DNAH8: variants seen among roughly 807,000 people sequenced by gnomAD.
The protein encoded by DNAH8 is dynein axonemal heavy chain 8.
DNAH8 carries 382 observed loss-of-function variants against 562.1 expected under a neutral mutation model. The ratio of observed to expected loss-of-function variants is 0.68; its 90% confidence interval spans 0.63 to 0.74. The LOEUF is 0.74. Among genes scored for constraint, DNAH8 ranks in the 30% least tolerant of loss-of-function variants. The pLI is 0.00. For synonymous variants in DNAH8, 1,881 were observed against 1,919.4 expected, an observed-to-expected ratio of 0.98 and a Z score of 0.52; for missense variants, 5,203 against 5,620.4, an observed-to-expected ratio of 0.93 and a Z score of 2.37.
Position 38,956,345 on chromosome 6 carries a change from T to G in DNAH8, c.12451+4825T>G, listed in dbSNP as rs1344931145. ...TACATGCCCTTCTGAGCCAATGAGA[T>G]GAGCTCTTCAGCCATCATCCTCCAG... is the stretch of plus-strand genomic sequence containing the variant. On this transcript the variant is annotated intron_variant, in intron 82 of 92. Coordinates refer to ENST00000327475, the MANE Select transcript of DNAH8 (RefSeq NM_001206927.2). 2.6e-5 allele frequency among the ~76,000 whole-genome samples: 4 copies of G among 152,140 alleles called. No homozygotes were observed. The East Asian group carries it at 7.7e-4, about 29-fold the overall frequency.
intron 9 of DNAH8, among the ~76,000 whole-genome samples, chr6:38,751,683 G>A (rs1765467173): frequency 6.6e-6 from 1 of 151,934 alleles, no homozygotes; most frequent in Non-Finnish European, 1.5e-5. Context: ...TTTTTTAGAA[G>A]TTTATATTAA....
At chr6:38,734,408 C>A (rs1763917903) in intron 4 of DNAH8, 66 bp from the exon 5 acceptor site, 1 of 1,493,354 alleles carries the variant, frequency 6.7e-7, no homozygotes, top group Non-Finnish European at 8.9e-7. Context: ...GTGTAAGAGC[C>A]ACAGTAACTT....
rs769413371 is a variant in DNAH8 at position 38,786,790 on chromosome 6, A to G, written c.2421A>G (p.Arg807=). The G allele has an allele frequency of 2.2e-5, 35 of 1,611,234 alleles. No homozygotes were observed. In the East Asian group the frequency reaches 7.6e-4, roughly 35 times the overall value. Reference sequence around the variant, plus strand: ...CTTTACAAGCCACGCTTTTTGTGCGACATCCAGAAACAGGGAAGTTGCTGG... The same window carrying G: ...CTTTACAAGCCACGCTTTTTGTGCGGCATCCAGAAACAGGGAAGTTGCTGG... ...HYALQATLFV[R]HPETGKLLVN... The change falls in exon 18 of 93, where the codon CGA becomes CGG. Residue 807 remains arginine (R), a synonymous_variant. Transcript: ENST00000327475.
intron 20 of DNAH8, among the ~76,000 whole-genome samples, chr6:38,790,985 G>A (rs1348763843): frequency 6.6e-6 from 1 of 152,080 alleles, no homozygotes; most frequent in Non-Finnish European, 1.5e-5. Context: ...ATTATAGACT[G>A]TCAAAAGTGG....
chr6:38,736,472 T>A (rs1764098780), intron 5 of DNAH8, among the ~76,000 whole-genome samples: 1 of 152,208 alleles, frequency 6.6e-6, no homozygotes, highest in African/African-American at 2.4e-5. Context: ...CACCAAACTG[T>A]ATGAGTAGTA....
chr6:38,962,051 C>T (rs1056800954), intron 82 of DNAH8, among the ~76,000 whole-genome samples: 3 of 151,808 alleles, frequency 2.0e-5, no homozygotes, highest in African/African-American at 7.3e-5. Flanking sequence ...TAAAACTCCT[C>T]TTCATTATAG....
chr6:39,000,852 G>A (rs1214238258), intron 88 of DNAH8, among the ~76,000 whole-genome samples: 1 of 152,180 alleles, frequency 6.6e-6, no homozygotes, highest in East Asian at 1.9e-4. Context: ...CAAAAAGGTT[G>A]GGAACCGCTG....
chr6:39,014,116 T>A (rs1766411211), intron 91 of DNAH8, among the ~76,000 whole-genome samples: 1 of 152,220 alleles, frequency 6.6e-6, no homozygotes, highest in Non-Finnish European at 1.5e-5. Context: ...CATTTTCCAA[T>A]ACCTTAAAAA....
intron 59 of DNAH8, 101 bp downstream of exon 59, chr6:38,894,965 G>T: frequency 2.4e-6 from 3 of 1,251,298 alleles, no homozygotes; most frequent in Non-Finnish European, 3.2e-6. Flanking sequence ...TTTTGCTCTT[G>T]TTGCCCAGGC....
intron 41 of DNAH8, among the ~76,000 whole-genome samples, chr6:38,855,504 T>TA (rs1776125942): frequency 6.6e-6 from 1 of 152,202 alleles, no homozygotes; most frequent in Admixed American, 6.5e-5. Flanking sequence ...TCTCCTTTGT[T>TA]CTTTTTTTAA....
rs862432 is a variant in DNAH8, at chr6:38,883,033, C to A, written c.7982C>A (p.Thr2661Asn). 0.014 allele frequency: 22,691 copies of A among 1,596,264 alleles called. 1,974 individuals are homozygous for A. In the African/African-American group the frequency reaches 0.22, roughly 16 times the overall value. Residue 2661 changes from threonine to asparagine, a missense_variant, in exon 54 of 93, where the codon ACC becomes AAC. This residue lies in a region of DNAH8 where 977 missense variants were observed against 1,061.8 expected (regional missense o/e 0.92). Transcript: ENST00000327475. ...DNIRTNFLID[T>N]IAKQHKAVLL... ...ATTAGAACAAATTTTTTGATAGACACCATTGCAAAACAACATAAAGTAAGT... is the reference window on the plus strand; with the variant it reads ...ATTAGAACAAATTTTTTGATAGACAACATTGCAAAACAACATAAAGTAAGT...
rs138382769 is a variant in DNAH8, at chr6:38,939,724, A to C, written c.12007+736A>C. 9.8e-4 allele frequency among the ~76,000 whole-genome samples: 150 copies of C among 152,338 alleles called. 1 individual carries two copies. Among genetic ancestry groups the C allele is most frequent in the African/African-American group, 3.4e-3 (143 of 41,574 alleles). ...TATACCTTTGTGGGTTAAGCCATGA[A>C]TTGGGGAACTATTTGGTACGTGGCA... On this transcript the variant is annotated intron_variant, in intron 79 of 92. Coordinates refer to ENST00000327475, the MANE Select transcript of DNAH8 (RefSeq NM_001206927.2).
chr6:38,795,581 GAA>G (rs1554212768), intron 21 of DNAH8, among the ~76,000 whole-genome samples: 13 of 128,054 alleles, frequency 1.0e-4, no homozygotes, highest in Non-Finnish European at 1.5e-4. Context: ...CTGTGTCTCA[GAA>G]AAAAAAAAAA....
Position 38,722,851 on chromosome 6 carries a change from A to C in DNAH8, c.42A>C (p.Ala14=), listed in dbSNP as rs933123302. ...AAGATGGCGCCCCTTCTGAGGGAGC[A>C]GAGGCTCCTCCCTCTACGGAAGAGG... ...DAEDGAPSEG[A]EAPPSTEEAA... Residue 14 remains alanine (A), a synonymous_variant, in exon 2 of 93, where the codon GCA becomes GCC. Coordinates refer to ENST00000327475, the MANE Select transcript of DNAH8 (RefSeq NM_001206927.2). 1 of 1,609,364 alleles carries C rather than the reference A, an allele frequency of 6.2e-7. No individual in the cohort carries two copies.
intron 26 of DNAH8, among the ~76,000 whole-genome samples, chr6:38,820,455 C>T (rs1772717352): frequency 6.6e-6 from 1 of 152,116 alleles, no homozygotes; most frequent in African/African-American, 2.4e-5. Context: ...TATTTTACAA[C>T]ACTTTTAGAA....
intron 17 of DNAH8, among the ~76,000 whole-genome samples, chr6:38,784,365 C>T (rs547524555): frequency 1.3e-5 from 2 of 152,270 alleles, no homozygotes; most frequent in Admixed American, 1.3e-4. Context: ...TTTTCTTTTT[C>T]TCCTGGTGGT....
intron 82 of DNAH8, among the ~76,000 whole-genome samples, chr6:38,956,692 A>C (rs768114470): frequency 7.2e-5 from 11 of 152,024 alleles, no homozygotes; most frequent in Non-Finnish European, 1.3e-4. Flanking sequence ...AACAAAACAA[A>C]ACAACAACAA....
intron 55 of DNAH8, 69 bp downstream of exon 55, chr6:38,883,525 T>C: frequency 6.9e-7 from 1 of 1,444,960 alleles, no homozygotes; most frequent in Middle Eastern, 1.9e-4. Flanking sequence ...CAATAAAATG[T>C]GTACGCATAT....
chr6:38,725,843 C>G (rs1763176226), intron 3 of DNAH8, among the ~76,000 whole-genome samples: 1 of 152,180 alleles, frequency 6.6e-6, no homozygotes, highest in East Asian at 1.9e-4. Context: ...AATTCTGTAG[C>G]TGGTCCTGAC....
Sources: gnomAD v4.1 joint callset for allele counts (sites outside exome capture counted in the v4.1 genomes callset) on GRCh38, gnomAD v4.1.1 for gene constraint, gnomAD v4.1.1 regional missense constraint, MANE v1.5 for transcripts, NCBI Gene and HGNC (gene_info 2026-07-23, HGNC 2026-07-21) for gene names.